Variants in ERI3 observed in about 807,000 individuals in gnomAD.
ERI3 encodes the protein ERI1 exoribonuclease 3.
ERI3 carries 18 observed loss-of-function variants against 44.4 expected under a neutral mutation model. The observed-to-expected ratio is 0.41, with a 90% CI of 0.28 to 0.60. ERI3 has a LOEUF of 0.60. ERI3 is among the 20% of genes least tolerant of loss of function. The pLI is 0.36. For missense variants in ERI3, 294 were observed against 435.5 expected (o/e 0.68, Z 2.89); for synonymous variants, 183 against 164.8 (o/e 1.11, Z -0.84).
At chr1:44,302,625 G>T (rs777825845) in intron 6 of ERI3, among the ~76,000 whole-genome samples, 5 of 152,150 alleles carry the variant, frequency 3.3e-5, no homozygotes, top group Non-Finnish European at 5.9e-5. Context: ...CACATCTCCT[G>T]GCCAACTGGG....
At chr1:44,296,079 C>T (rs1303079235) in intron 6 of ERI3, among the ~76,000 whole-genome samples, 1 of 152,154 alleles carries the variant, frequency 6.6e-6, no homozygotes, top group East Asian at 1.9e-4. Flanking sequence ...TGTTAATAGG[C>T]CCTAGATTCC....
At chr1:44,244,644 C>G (rs868382935) in intron 8 of ERI3, among the ~76,000 whole-genome samples, 10 of 152,262 alleles carry the variant, frequency 6.6e-5, no homozygotes, top group African/African-American at 2.4e-4. Flanking sequence ...TCCCCTTCAG[C>G]CTCCTTGTCT....
intron 2 of ERI3, among the ~76,000 whole-genome samples, chr1:44,342,835 ATAT>A (rs1646695414): frequency 1.2e-4 from 3 of 25,548 alleles, no homozygotes; most frequent in Non-Finnish European, 2.2e-4. Context: ...ATATATATAT[ATAT>A]ATATATATAT....
intron 6 of ERI3, among the ~76,000 whole-genome samples, chr1:44,305,954 C>T (rs762274947): frequency 3.3e-5 from 5 of 152,196 alleles, no homozygotes; most frequent in African/African-American, 7.2e-5. Flanking sequence ...CAGCCTTTAC[C>T]GGGCGCATAA....
chr1:44,341,511 C>A (rs544714256), intron 2 of ERI3, among the ~76,000 whole-genome samples: 39 of 152,316 alleles, frequency 2.6e-4, no homozygotes, highest in Non-Finnish European at 5.4e-4. Flanking sequence ...TCTGACAGAG[C>A]ATACTATATA....
intron 1 of ERI3, chr1:44,353,716 A>G: frequency 1.0e-6 from 1 of 985,474 alleles, no homozygotes; most frequent in Non-Finnish European, 1.2e-6. Flanking sequence ...CTCTTAGCCA[A>G]GCTCTATGAC....
At chr1:44,236,743 A>G (rs1303764909) in intron 8 of ERI3, among the ~76,000 whole-genome samples, 1 of 152,092 alleles carries the variant, frequency 6.6e-6, no homozygotes, top group Non-Finnish European at 1.5e-5. Flanking sequence ...GCCCAAGTAG[A>G]CAGGGACTCC....
At chr1:44,232,297 T>C (rs1473032714) in intron 8 of ERI3, among the ~76,000 whole-genome samples, 1 of 152,128 alleles carries the variant, frequency 6.6e-6, no homozygotes, top group East Asian at 1.9e-4. Context: ...GGCTGGGAAG[T>C]TGGTAACCGT....
intron 4 of ERI3, among the ~76,000 whole-genome samples, chr1:44,313,672 C>G (rs1028218604): frequency 3.9e-5 from 6 of 152,180 alleles, no homozygotes; most frequent in Non-Finnish European, 7.3e-5. Context: ...GAGAGGCACA[C>G]TTGGTTTCAA....
At chr1:44,322,290 G>C (rs1000922331) in intron 3 of ERI3, among the ~76,000 whole-genome samples, 1 of 151,884 alleles carries the variant, frequency 6.6e-6, no homozygotes, top group Non-Finnish European at 1.5e-5. Flanking sequence ...CCTGATGTTA[G>C]CTTCCTCACC....
chr1:44,293,018 C>T (rs1181626674), intron 6 of ERI3, among the ~76,000 whole-genome samples: 2 of 152,248 alleles, frequency 1.3e-5, no homozygotes, highest in Admixed American at 6.5e-5. Context: ...GCGCCTCTGT[C>T]GCCACTGCCT....
intron 7 of ERI3, among the ~76,000 whole-genome samples, chr1:44,264,099 T>C (rs971311008): frequency 1.3e-5 from 2 of 152,214 alleles, no homozygotes; most frequent in Non-Finnish European, 2.9e-5. Context: ...AGAAGTTGGG[T>C]CCTAATGTGT....
intron 7 of ERI3, among the ~76,000 whole-genome samples, chr1:44,282,908 C>T (rs1645318681): frequency 6.6e-6 from 1 of 152,210 alleles, no homozygotes; most frequent in Non-Finnish European, 1.5e-5. Context: ...CCTGCCTTTA[C>T]CCCCACCCTT....
intron 7 of ERI3, among the ~76,000 whole-genome samples, chr1:44,262,968 C>G (rs1266818396): frequency 6.6e-6 from 1 of 152,154 alleles, no homozygotes; most frequent in Non-Finnish European, 1.5e-5. Context: ...CCACAGCTCT[C>G]AAGTTTGCCC....
chr1:44,297,135 T>C (rs1645627432), intron 6 of ERI3, among the ~76,000 whole-genome samples: 1 of 152,150 alleles, frequency 6.6e-6, no homozygotes, highest in African/African-American at 2.4e-5. Flanking sequence ...TTCTCTGGGC[T>C]GGCTGGCTTT....
chr1:44,316,497 T>C (rs1646091064), intron 4 of ERI3, among the ~76,000 whole-genome samples: 2 of 152,172 alleles, frequency 1.3e-5, no homozygotes, highest in Non-Finnish European at 2.9e-5. Context: ...TCAAGAACAC[T>C]AGCAACTACA....
intron 2 of ERI3, among the ~76,000 whole-genome samples, chr1:44,344,702 A>G (rs888979262): frequency 6.6e-6 from 1 of 152,238 alleles, no homozygotes; most frequent in African/African-American, 2.4e-5. Flanking sequence ...CCAGAACTCA[A>G]AAGAAAGTTT....
intron 1 of ERI3, chr1:44,354,290 C>T: frequency 6.1e-6 from 6 of 985,392 alleles, no homozygotes; most frequent in Non-Finnish European, 7.2e-6. Flanking sequence ...CAACGATGGG[C>T]ACTATTTGTT....
rs77007139 is a variant in ERI3, at chr1:44,331,719, A to G, written c.489+7326T>C. Among the ~76,000 whole-genome samples, 823 of 152,352 alleles carry G rather than the reference A, an allele frequency of 5.4e-3. 5 individuals carry two copies. The highest frequency in any genetic ancestry group is 0.018 in the African/African-American group (757 of 41,580). On this transcript the variant is annotated intron_variant, in intron 3 of 8. Coordinates refer to ENST00000372257, the MANE Select transcript of ERI3 (RefSeq NM_024066.3). ...TCAATATTTCTACAAACAAGCCTGT[A>G]ATCAAGGTCAGTTTTTCCAGACTTA...
Sources: allele counts gnomAD v4.1 joint callset (sites outside exome capture counted in the v4.1 genomes callset), GRCh38; gene constraint gnomAD v4.1.1; transcripts MANE v1.5; gene names NCBI Gene and HGNC (gene_info 2026-07-23, HGNC 2026-07-21).